Variants in PCDH7 observed in about 807,000 individuals in gnomAD.
PCDH7 encodes the protein protocadherin 7.
PCDH7 carries 17 observed loss-of-function variants against 58.9 expected under a neutral mutation model. That is an observed-to-expected ratio of 0.29 (90% CI 0.20 to 0.43). The LOEUF is 0.43. Among genes scored for constraint, PCDH7 ranks in the 20% least tolerant of loss-of-function variants. The pLI, the probability that PCDH7 is intolerant of heterozygous loss-of-function variation, is 1.00. For missense variants in PCDH7, 1,274 were observed against 1,441.0 expected, an observed-to-expected ratio of 0.88 and a Z score of 1.88; for synonymous variants, 664 against 616.4, an observed-to-expected ratio of 1.08 and a Z score of -1.14.
intron 1 of PCDH7, among the ~76,000 whole-genome samples, chr4:30,853,809 T>C (rs1733090776): frequency 1.3e-5 from 2 of 152,048 alleles, no homozygotes; most frequent in Non-Finnish European, 2.9e-5. Flanking sequence ...AACTACCACA[T>C]CAGCCAGGAT....
At chr4:31,066,824 A>C (rs554771761) in intron 3 of PCDH7, among the ~76,000 whole-genome samples, 1 of 151,962 alleles carries the variant, frequency 6.6e-6, no homozygotes, top group Non-Finnish European at 1.5e-5. Flanking sequence ...CCACCTCCAA[A>C]TAGTAGACAA....
At chr4:30,789,140 C>A (rs982437591) in intron 1 of PCDH7, among the ~76,000 whole-genome samples, 2 of 152,078 alleles carry the variant, frequency 1.3e-5, no homozygotes, top group African/African-American at 4.8e-5. Flanking sequence ...ATAGGTCCCC[C>A]CCTAAGTTAA....
intron 1 of PCDH7, among the ~76,000 whole-genome samples, chr4:30,795,541 A>G: frequency 6.6e-6 from 1 of 152,216 alleles, no homozygotes; most frequent in East Asian, 1.9e-4. Context: ...TGCCTGGCAT[A>G]CAGTAAATGC....
intron 1 of PCDH7, among the ~76,000 whole-genome samples, chr4:30,908,651 C>T (rs1741315220): frequency 6.6e-6 from 1 of 152,016 alleles, no homozygotes; most frequent in Non-Finnish European, 1.5e-5. Context: ...AATTGCCTAC[C>T]AACCAAAAAA....
At chr4:31,101,764 G>A (rs538109278) in intron 3 of PCDH7, among the ~76,000 whole-genome samples, 7 of 152,238 alleles carry the variant, frequency 4.6e-5, no homozygotes, top group Admixed American at 4.6e-4. Flanking sequence ...AATGCATTGA[G>A]TATAGTTTTT....
chr4:30,776,133 C>T (rs1187690051), intron 1 of PCDH7: 1 of 152,154 alleles, frequency 6.6e-6, no homozygotes, highest in Non-Finnish European at 1.5e-5. Context: ...TTGAAGATAA[C>T]ATTTTGATTA....
intron 3 of PCDH7, among the ~76,000 whole-genome samples, chr4:31,080,397 C>T (rs1354443990): frequency 6.6e-6 from 1 of 151,520 alleles, no homozygotes; most frequent in Non-Finnish European, 1.5e-5. Context: ...TCTTGATTAC[C>T]TAAAAAATGG....
At chr4:31,026,988 C>T (rs79780658) in intron 3 of PCDH7, among the ~76,000 whole-genome samples, 7,639 of 152,208 alleles carry the variant, frequency 0.05, 285 homozygotes, top group Admixed American at 0.11. Flanking sequence ...GAGTAAGATG[C>T]TAACATCTAT....
intron 1 of PCDH7, among the ~76,000 whole-genome samples, chr4:30,839,064 T>C (rs1169666395): frequency 6.6e-6 from 1 of 151,916 alleles, no homozygotes; most frequent in Non-Finnish European, 1.5e-5. Context: ...TTTATAATAT[T>C]GTTTCTCCAA....
intron 1 of PCDH7, among the ~76,000 whole-genome samples, chr4:30,915,390 G>T (rs1742314587): frequency 6.6e-6 from 1 of 152,060 alleles, no homozygotes; most frequent in African/African-American, 2.4e-5. Context: ...AAATCCAATG[G>T]GCATGTGGTA....
At chr4:30,887,897 A>T (rs1255593202) in intron 1 of PCDH7, among the ~76,000 whole-genome samples, 1 of 145,806 alleles carries the variant, frequency 6.9e-6, no homozygotes, top group African/African-American at 2.5e-5. Flanking sequence ...TTTTTTGGAG[A>T]TGGTGTCTTG....
At chr4:30,971,932 G>A (rs1384665975) in intron 3 of PCDH7, among the ~76,000 whole-genome samples, 1 of 152,150 alleles carries the variant, frequency 6.6e-6, no homozygotes, top group Non-Finnish European at 1.5e-5. Flanking sequence ...CTGCACTCCA[G>A]CCTGGGCGAC....
intron 1 of PCDH7, chr4:30,725,239 C>A (rs1370734392): frequency 8.1e-6 from 8 of 990,500 alleles, no homozygotes; most frequent in South Asian, 4.7e-5. Context: ...ATACCTATAA[C>A]AATTAGTGTT....
At chr4:30,941,503 C>G (rs560671381) in intron 2 of PCDH7, among the ~76,000 whole-genome samples, 28 of 152,026 alleles carry the variant, frequency 1.8e-4, no homozygotes, top group African/African-American at 6.7e-4. Context: ...GAATTGACAA[C>G]TGTTGTTTGA....
intron 1 of PCDH7, among the ~76,000 whole-genome samples, chr4:30,901,329 T>C (rs1740196191): frequency 6.6e-6 from 1 of 152,156 alleles, no homozygotes; most frequent in African/African-American, 2.4e-5. Context: ...ATACCAATCC[T>C]ACTTAGTTTA....
At chr4:31,047,609 T>C (rs6811512) in intron 3 of PCDH7, among the ~76,000 whole-genome samples, 96,215 of 151,872 alleles carry the variant, frequency 0.63, 32,985 homozygotes, top group African/African-American at 0.9. Flanking sequence ...AAGAGAGAAA[T>C]TATTCAGTTT....
chr4:30,859,968 T>C (rs1733989610), intron 1 of PCDH7, among the ~76,000 whole-genome samples: 1 of 152,152 alleles, frequency 6.6e-6, no homozygotes, highest in East Asian at 1.9e-4. Context: ...CATGAAAATG[T>C]GACTGAGGCT....
chr4:31,003,265 A>G (rs1752500506), intron 3 of PCDH7, among the ~76,000 whole-genome samples: 1 of 152,118 alleles, frequency 6.6e-6, no homozygotes, highest in Admixed American at 6.5e-5. Flanking sequence ...GACAATGAAT[A>G]TGTACAAAGT....
chr4:30,811,735 A>T (rs1727043462), intron 1 of PCDH7, among the ~76,000 whole-genome samples: 1 of 152,174 alleles, frequency 6.6e-6, no homozygotes, highest in East Asian at 1.9e-4. Flanking sequence ...TATAATCTGT[A>T]GTGTTTTTAG....
Sources: allele counts gnomAD v4.1 joint callset (sites outside exome capture counted in the v4.1 genomes callset), GRCh38; gene constraint gnomAD v4.1.1; transcripts MANE v1.5; gene names NCBI Gene and HGNC (gene_info 2026-07-23, HGNC 2026-07-21).